NTNG1: variants seen among roughly 807,000 people sequenced by gnomAD.
NTNG1 encodes the protein netrin-G1.
NTNG1 carries 16 observed loss-of-function variants against 54.0 expected under a neutral mutation model. The ratio of observed to expected loss-of-function variants is 0.30; its 90% CI spans 0.20 to 0.45. The LOEUF (loss-of-function observed/expected upper bound fraction) is 0.45. Among genes scored for constraint, NTNG1 ranks in the 20% least tolerant of loss-of-function variants. The pLI is 1.00. For synonymous variants in NTNG1, 255 were observed against 263.1 expected, an observed-to-expected ratio of 0.97 and a Z score of 0.30; for missense variants, 530 against 678.7, an observed-to-expected ratio of 0.78 and a Z score of 2.43.
At chr1:107,450,334 T>C (rs902739652) in intron 7 of NTNG1, among the ~76,000 whole-genome samples, 5 of 152,102 alleles carry the variant, frequency 3.3e-5, no homozygotes, top group African/African-American at 1.2e-4. Flanking sequence ...TTTGTGCATG[T>C]AAAATGAAGA....
rs534868337 is a variant in NTNG1, at chr1:107,444,354, C to T, written c.1390+7555C>T. ...ACACTAAGGGCTCCATTCAGAGCAACCACAAAAGGGATACACTGATGGAGC... is the reference window on the plus strand; with the variant it reads ...ACACTAAGGGCTCCATTCAGAGCAATCACAAAAGGGATACACTGATGGAGC... On this transcript the variant is annotated intron_variant, in intron 7 of 7. Transcript: ENST00000370068. Among the ~76,000 whole-genome samples the T allele has an allele frequency of 1.2e-4, 18 of 152,258 alleles. No individual in the cohort carries two copies. In the South Asian group the frequency reaches 1.9e-3, roughly 16 times the overall value.
intron 3 of NTNG1, among the ~76,000 whole-genome samples, chr1:107,377,592 T>A (rs974477913): frequency 3.5e-4 from 54 of 152,210 alleles, no homozygotes; most frequent in African/African-American, 1.3e-3. Context: ...CTCAGTCTGG[T>A]TCCTCTTCAC....
At position 107,370,189 on chromosome 1, in the gene NTNG1, C is replaced by G. The variant is rs61232927; in HGVS notation, c.888-24965C>G. Among the ~76,000 whole-genome samples the G allele has an allele frequency of 2.0e-5, 3 of 147,596 alleles. 1 individual carries two copies. Among genetic ancestry groups the G allele is most frequent in the South Asian group, 4.3e-4 (2 of 4,664 alleles). On this transcript the variant is annotated intron_variant, in intron 3 of 7. Coordinates refer to ENST00000370068, the MANE Select transcript of NTNG1 (RefSeq NM_001113226.3). ...CTTTGTAAAAATTGTTCTGGCTATTCTAAGCCCTTTACATTTCCATGTAAA... is the reference window on the plus strand; with the variant it reads ...CTTTGTAAAAATTGTTCTGGCTATTGTAAGCCCTTTACATTTCCATGTAAA...
At chr1:107,187,469 T>TAGC (rs778970245) in intron 2 of NTNG1, among the ~76,000 whole-genome samples, 8 of 152,182 alleles carry the variant, frequency 5.3e-5, no homozygotes, top group Non-Finnish European at 7.3e-5. Flanking sequence ...AGTTAAGCTC[T>TAGC]AGCATATCAC....
chr1:107,198,497 C>G (rs1658501560), intron 2 of NTNG1, among the ~76,000 whole-genome samples: 1 of 151,908 alleles, frequency 6.6e-6, no homozygotes, highest in South Asian at 2.1e-4. Flanking sequence ...CACAGGAAAT[C>G]AAAGATTTTA....
At chr1:107,310,673 T>C (rs1666955106) in intron 2 of NTNG1, among the ~76,000 whole-genome samples, 1 of 152,058 alleles carries the variant, frequency 6.6e-6, no homozygotes, top group African/African-American at 2.4e-5. Context: ...TTAGAGAATA[T>C]ATATCTCAAG....
chr1:107,165,860 TG>T (rs1655754523), intron 2 of NTNG1, among the ~76,000 whole-genome samples: 1 of 152,222 alleles, frequency 6.6e-6, no homozygotes, highest in South Asian at 2.1e-4. Context: ...GGCTGTTTTG[TG>T]GGAGTATTTA....
chr1:107,214,724 G>T (rs1659827680), intron 2 of NTNG1, among the ~76,000 whole-genome samples: 1 of 151,362 alleles, frequency 6.6e-6, no homozygotes, highest in African/African-American at 2.4e-5. Context: ...TGTCATAGTG[G>T]TTGTACTAGT....
At chr1:107,261,612 G>C (rs1056440212) in intron 2 of NTNG1, among the ~76,000 whole-genome samples, 4 of 152,360 alleles carry the variant, frequency 2.6e-5, no homozygotes, top group African/African-American at 9.6e-5. Flanking sequence ...GGGAGGCCGA[G>C]GCGGGCAGAT....
In NTNG1 at chr1:107,435,267, T is replaced by C. The variant is rs189086098; in HGVS notation, c.1256-1398T>C. 1.4e-4 allele frequency among the ~76,000 whole-genome samples: 21 copies of C among 152,280 alleles called. No individual in the cohort carries two copies. In the East Asian group the frequency reaches 4.0e-3, roughly 29 times the overall value. ...TTAAAAGCTTTCACAAAATTAGTAT[T>C]TTAAAATATTTTTAATCTGCTTCCA... is the stretch of plus-strand genomic sequence containing the variant. On this transcript the variant is annotated intron_variant, in intron 6 of 7. Coordinates refer to ENST00000370068, the MANE Select transcript of NTNG1 (RefSeq NM_001113226.3).
intron 2 of NTNG1, among the ~76,000 whole-genome samples, chr1:107,149,418 C>T (rs960431351): frequency 2.6e-5 from 4 of 152,070 alleles, no homozygotes; most frequent in African/African-American, 9.7e-5. Flanking sequence ...ATCTTATTTG[C>T]CAACTCCCCT....
intron 2 of NTNG1, among the ~76,000 whole-genome samples, chr1:107,217,656 C>G (rs1224561275): frequency 3.3e-5 from 5 of 152,014 alleles, no homozygotes; most frequent in African/African-American, 1.2e-4. Context: ...TATATCACTA[C>G]TACTCATTTC....
chr1:107,426,853 C>T (rs1201346269), intron 5 of NTNG1, among the ~76,000 whole-genome samples: 1 of 151,986 alleles, frequency 6.6e-6, no homozygotes, highest in Non-Finnish European at 1.5e-5. Context: ...TCTACAATTT[C>T]TCCTATCAGT....
Position 107,148,577 on chromosome 1 carries a change from T to C in NTNG1, c.-17T>C. 1 of 1,610,854 alleles carries C rather than the reference T, an allele frequency of 6.2e-7. No individual in the cohort carries two copies. The highest frequency in any genetic ancestry group is 8.5e-7 in the Non-Finnish European group (1 of 1,177,732). On this transcript the variant is annotated 5_prime_UTR_variant, in exon 2 of 8. Transcript: ENST00000370068. Reference sequence around the variant, plus strand: ...AGCTCTGCTTTAGTTTCCAAGAAGATTACAAAGAATTTAGAGATGTATTTG... The same window carrying C: ...AGCTCTGCTTTAGTTTCCAAGAAGACTACAAAGAATTTAGAGATGTATTTG...
At chr1:107,167,820 C>CT (rs997393658) in intron 2 of NTNG1, among the ~76,000 whole-genome samples, 9 of 150,664 alleles carry the variant, frequency 6.0e-5, no homozygotes, top group South Asian at 4.2e-4. Flanking sequence ...TAAAGCCATT[C>CT]TTTTTTTTTC....
intron 2 of NTNG1, among the ~76,000 whole-genome samples, chr1:107,286,165 G>A (rs150050079): frequency 2.0e-5 from 3 of 152,228 alleles, no homozygotes; most frequent in Non-Finnish European, 2.9e-5. Context: ...CTCTAATTCC[G>A]TAATTATCCA....
intron 2 of NTNG1, among the ~76,000 whole-genome samples, chr1:107,255,196 G>C (rs1662853841): frequency 6.6e-6 from 1 of 152,166 alleles, no homozygotes; most frequent in African/African-American, 2.4e-5. Context: ...TCCCTCTGTA[G>C]CTTGAGATTT....
At position 107,478,858 on chromosome 1, in the gene NTNG1, T is replaced by C. The variant is rs1678508242; in HGVS notation, c.1391-1753T>C. On this transcript the variant is annotated intron_variant, in intron 7 of 7. Transcript: ENST00000370068. ...TAAAGCCAAAAAACAAGAGCTTTTG[T>C]CAGTTTTGACCATGAGGCTAACCAC... 4.6e-5 allele frequency among the ~76,000 whole-genome samples: 7 copies of C among 152,248 alleles called. No homozygotes were observed. The South Asian group carries it at 1.2e-3, about 27-fold the overall frequency.
At chr1:107,364,864 A>C (rs1274343113) in intron 3 of NTNG1, among the ~76,000 whole-genome samples, 2 of 152,186 alleles carry the variant, frequency 1.3e-5, no homozygotes, top group Non-Finnish European at 2.9e-5. Context: ...TCTCATATGC[A>C]CATAATTGTT....
Sources: gnomAD v4.1 joint callset for allele counts (sites outside exome capture counted in the v4.1 genomes callset) on GRCh38, gnomAD v4.1.1 for gene constraint, MANE v1.5 for transcripts, NCBI Gene and HGNC (gene_info 2026-07-23, HGNC 2026-07-21) for gene names.